The following SLC35F1 variants were observed in gnomAD, a reference collection of about 807,000 sequenced individuals.
The protein encoded by SLC35F1 is solute carrier family 35 member F1.
In SLC35F1, 14 loss-of-function variants were observed where a neutral mutation model predicts 48.7. The ratio of observed to expected loss-of-function variants is 0.29; its 90% CI spans 0.19 to 0.45. The LOEUF (loss-of-function observed/expected upper bound fraction) is 0.45. SLC35F1 is among the 20% of genes least tolerant of loss of function. The probability of loss-of-function intolerance (pLI) is 1.00; values close to 1 mark genes in which losing one functional copy is unlikely to be tolerated. For synonymous variants in SLC35F1, 190 were observed against 202.2 expected (o/e 0.94, Z 0.51); for missense variants, 404 against 500.0 (o/e 0.81, Z 1.83).
At chr6:118,241,406 G>GTA (rs1236127197) in intron 3 of SLC35F1, among the ~76,000 whole-genome samples, 1 of 152,118 alleles carries the variant, frequency 6.6e-6, no homozygotes, top group Non-Finnish European at 1.5e-5. Flanking sequence ...AGAGGAAAAT[G>GTA]TATATATATT....
chr6:118,182,625 G>C (rs1774598794), intron 2 of SLC35F1, among the ~76,000 whole-genome samples: 1 of 152,042 alleles, frequency 6.6e-6, no homozygotes, highest in Admixed American at 6.6e-5. Context: ...CAACACTTTG[G>C]GAGGCTGAGG....
intron 1 of SLC35F1, among the ~76,000 whole-genome samples, chr6:117,990,622 T>C (rs1776905451): frequency 6.6e-6 from 1 of 152,244 alleles, no homozygotes; most frequent in Non-Finnish European, 1.5e-5. Context: ...AGCTCATTTG[T>C]TCTTAGAATT....
chr6:118,033,153 A>G (rs1394377237), intron 1 of SLC35F1, among the ~76,000 whole-genome samples: 1 of 152,178 alleles, frequency 6.6e-6, no homozygotes, highest in Non-Finnish European at 1.5e-5. Flanking sequence ...ATTTCATGAA[A>G]TAAATAAATA....
chr6:118,281,204 C>CTCTCTATATATA (rs367855949), intron 6 of SLC35F1, among the ~76,000 whole-genome samples: 27 of 130,480 alleles, frequency 2.1e-4, no homozygotes, highest in South Asian at 5.4e-4. Context: ...CTCTCTCTCT[C>CTCTCTATATATA]TATATATATA....
intron 1 of SLC35F1, among the ~76,000 whole-genome samples, chr6:118,071,028 ACG>A (rs1772706111): frequency 2.6e-5 from 1 of 38,912 alleles, no homozygotes; most frequent in African/African-American, 9.9e-5. Context: ...TATATATTCT[ACG>A]TGTATATATA....
chr6:118,277,019 A>C (rs537693096), intron 5 of SLC35F1, among the ~76,000 whole-genome samples: 25 of 152,274 alleles, frequency 1.6e-4, no homozygotes, highest in African/African-American at 5.3e-4. Flanking sequence ...ATCTCACCGG[A>C]TCTCTGAATC....
intron 3 of SLC35F1, among the ~76,000 whole-genome samples, chr6:118,263,208 C>T (rs1301328498): frequency 6.6e-6 from 1 of 152,144 alleles, no homozygotes; most frequent in African/African-American, 2.4e-5. Context: ...AGGCATGCGC[C>T]ATCATGCCTG....
At chr6:118,238,967 G>A (rs1775402259) in intron 3 of SLC35F1, among the ~76,000 whole-genome samples, 2 of 151,960 alleles carry the variant, frequency 1.3e-5, no homozygotes, top group African/African-American at 2.4e-5. Context: ...TAAGGGAGAG[G>A]TGAGACAGAT....
At chr6:117,933,325 C>T (rs1409854906) in intron 1 of SLC35F1, among the ~76,000 whole-genome samples, 2 of 152,182 alleles carry the variant, frequency 1.3e-5, no homozygotes, top group Non-Finnish European at 2.9e-5. Context: ...CTACGAAGCT[C>T]TTCAAACTGT....
chr6:118,151,715 C>G (rs1344392430), intron 1 of SLC35F1, among the ~76,000 whole-genome samples: 6 of 152,052 alleles, frequency 3.9e-5, no homozygotes, highest in Non-Finnish European at 8.8e-5. Flanking sequence ...TGAAGACTCA[C>G]TATGTTGTCC....
In SLC35F1 at chr6:117,932,790, CA is replaced by C. The variant is rs1776118612; in HGVS notation, c.173+24893del. Among the ~76,000 whole-genome samples, 3 of 152,080 alleles carry C rather than the reference CA, an allele frequency of 2.0e-5. No homozygotes were observed. The South Asian group carries it at 6.2e-4, about 32-fold the overall frequency. ...TTCCTTTGGAGGTGACTGGCAAATG[CA>C]ATCTTTAGGAAGCTCCTCTGACCCA... On this transcript the variant is annotated intron_variant, in intron 1 of 7. Transcript: ENST00000360388.
At chr6:118,116,498 G>A (rs1240229524) in intron 1 of SLC35F1, among the ~76,000 whole-genome samples, 4 of 152,150 alleles carry the variant, frequency 2.6e-5, no homozygotes, top group African/African-American at 9.7e-5. Context: ...ATCTTCTGTG[G>A]ACATTAAATG....
intron 1 of SLC35F1, among the ~76,000 whole-genome samples, chr6:118,153,235 T>C (rs937302298): frequency 1.4e-4 from 21 of 151,568 alleles, no homozygotes; most frequent in Non-Finnish European, 2.8e-4. Flanking sequence ...GAAATCATAC[T>C]GCATTACAAA....
intron 4 of SLC35F1, among the ~76,000 whole-genome samples, chr6:118,268,525 C>A (rs1344006691): frequency 6.8e-6 from 1 of 146,792 alleles, no homozygotes; most frequent in Non-Finnish European, 1.5e-5. Flanking sequence ...CTTTTTGGAC[C>A]AATCAGATAA....
intron 1 of SLC35F1, among the ~76,000 whole-genome samples, chr6:117,987,062 G>A (rs748739805): frequency 8.5e-5 from 13 of 152,164 alleles, no homozygotes; most frequent in Admixed American, 4.6e-4. Context: ...CAAAAATCAC[G>A]TTAAAGGCCA....
intron 1 of SLC35F1, among the ~76,000 whole-genome samples, chr6:118,105,795 T>G (rs1773319054): frequency 6.6e-6 from 1 of 152,196 alleles, no homozygotes; most frequent in Admixed American, 6.5e-5. Flanking sequence ...TCAAAGTAGA[T>G]AGTATGATGA....
chr6:118,001,874 A>T (rs1310798763), intron 1 of SLC35F1, among the ~76,000 whole-genome samples: 1 of 151,876 alleles, frequency 6.6e-6, no homozygotes. Context: ...TGGCCATCAG[A>T]GAAATGCAAA....
At chr6:117,985,707 T>C (rs1776839367) in intron 1 of SLC35F1, among the ~76,000 whole-genome samples, 1 of 152,244 alleles carries the variant, frequency 6.6e-6, no homozygotes, top group South Asian at 2.1e-4. Context: ...CTCATTTCTT[T>C]TTGACTAGCA....
At chr6:118,111,482 A>C (rs932830055) in intron 1 of SLC35F1, among the ~76,000 whole-genome samples, 1 of 152,176 alleles carries the variant, frequency 6.6e-6, no homozygotes, top group African/African-American at 2.4e-5. Context: ...CCAACCTAAA[A>C]TTCTATATCC....
Sources: gnomAD v4.1 joint callset for allele counts (sites outside exome capture counted in the v4.1 genomes callset) on GRCh38, gnomAD v4.1.1 for gene constraint, MANE v1.5 for transcripts, NCBI Gene and HGNC (gene_info 2026-07-23, HGNC 2026-07-21) for gene names.